Variants in CTNNA3 observed in about 807,000 individuals in gnomAD.
CTNNA3 encodes the protein catenin alpha-3.
A neutral mutation model predicts 95.7 loss-of-function variants in CTNNA3; 76 were observed. That is an observed-to-expected ratio of 0.79 (90% CI 0.66 to 0.96). The LOEUF is 0.96. Ranked by LOEUF, CTNNA3 falls within the 40% of genes least tolerant of loss-of-function variation. The pLI, the probability that CTNNA3 is intolerant of heterozygous loss-of-function variation, is 0.00. For synonymous variants in CTNNA3, 431 were observed against 374.4 expected, an observed-to-expected ratio of 1.15 and a Z score of -1.74; for missense variants, 1,191 against 1,089.8, an observed-to-expected ratio of 1.09 and a Z score of -1.31.
intron 9 of CTNNA3, among the ~76,000 whole-genome samples, chr10:66,748,840 G>T (rs1838998009): frequency 6.6e-6 from 1 of 151,870 alleles, no homozygotes; most frequent in African/African-American, 2.4e-5. Flanking sequence ...GATGAACACT[G>T]ACACTTCATT....
rs545957685 is a variant in CTNNA3, at chr10:66,689,322, G to T, written c.1282-67538C>A. ...AACAAATGGCCTAGGTCCTTTTAAT[G>T]AGTTTGTTGGCCTGGACAGTTGTCC... On this transcript the variant is annotated intron_variant, in intron 9 of 17. Transcript: ENST00000433211. Among the ~76,000 whole-genome samples the T allele has an allele frequency of 2.7e-3, 405 of 152,254 alleles. 5 individuals carry two copies. Among genetic ancestry groups the T allele is most frequent in the African/African-American group, 9.2e-3 (384 of 41,556 alleles).
intron 11 of CTNNA3, among the ~76,000 whole-genome samples, chr10:66,433,089 A>C (rs905731530): frequency 1.3e-5 from 2 of 152,200 alleles, no homozygotes; most frequent in Non-Finnish European, 2.9e-5. Flanking sequence ...TGCTATTGTG[A>C]ATAGTACTGC....
chr10:67,078,811 C>T (rs565762710), intron 7 of CTNNA3, among the ~76,000 whole-genome samples: 4 of 152,144 alleles, frequency 2.6e-5, no homozygotes, highest in South Asian at 2.1e-4. Flanking sequence ...CCACCGCACC[C>T]GGCCCTCTGA....
At chr10:66,874,259 G>A (rs1844526444) in intron 7 of CTNNA3, among the ~76,000 whole-genome samples, 1 of 152,102 alleles carries the variant, frequency 6.6e-6, no homozygotes, top group Admixed American at 6.6e-5. Flanking sequence ...TCAGCAGCTG[G>A]AAACTCTGGC....
intron 7 of CTNNA3, among the ~76,000 whole-genome samples, chr10:67,164,937 CTGGAAAATAGTTTGGCAGTTTCCTA>C (rs1861695807): frequency 6.6e-6 from 1 of 152,140 alleles, no homozygotes; most frequent in Admixed American, 6.5e-5. Context: ...TAAAATTGCT[CTGGAAAATAGTTTGGCAGTTTCCTA>C]AAAACTATGC....
chr10:67,704,658 T>C (rs1486206725), intron 1 of CTNNA3, among the ~76,000 whole-genome samples: 1 of 152,078 alleles, frequency 6.6e-6, no homozygotes, highest in Non-Finnish European at 1.5e-5. Flanking sequence ...ATGTTAGACC[T>C]AAAACCATAA....
intron 10 of CTNNA3, among the ~76,000 whole-genome samples, chr10:66,537,513 T>A (rs1841701650): frequency 6.6e-6 from 1 of 151,766 alleles, no homozygotes; most frequent in Admixed American, 6.6e-5. Flanking sequence ...CTCAACCATT[T>A]CCCTTGTCAC....
chr10:66,681,540 C>T (rs897349518), intron 9 of CTNNA3, among the ~76,000 whole-genome samples: 1 of 152,128 alleles, frequency 6.6e-6, no homozygotes, highest in Non-Finnish European at 1.5e-5. Context: ...AAAACAATAT[C>T]GGAGTCCTGG....
chr10:66,774,334 G>T (rs1470742742), intron 8 of CTNNA3, among the ~76,000 whole-genome samples: 1 of 152,120 alleles, frequency 6.6e-6, no homozygotes, highest in African/African-American at 2.4e-5. Context: ...CCTGGTACAG[G>T]TTCTGACTCG....
intron 9 of CTNNA3, among the ~76,000 whole-genome samples, chr10:66,650,514 G>A (rs569049758): frequency 2.0e-5 from 3 of 152,164 alleles, no homozygotes; most frequent in African/African-American, 4.8e-5. Flanking sequence ...TGATGTGTCC[G>A]GAATTGGTGG....
chr10:67,192,788 C>T (rs1863177950), intron 6 of CTNNA3, among the ~76,000 whole-genome samples: 1 of 152,046 alleles, frequency 6.6e-6, no homozygotes, highest in South Asian at 2.1e-4. Flanking sequence ...GAAAAGACAT[C>T]TGCACTCCCA....
chr10:66,022,628 CACACAT>C (rs1250135007), intron 15 of CTNNA3, among the ~76,000 whole-genome samples: 4 of 150,702 alleles, frequency 2.7e-5, no homozygotes, highest in Admixed American at 2.0e-4. Context: ...CACACACACA[CACACAT>C]ACACACACAC....
rs2092587668 is a variant in CTNNA3 at position 66,354,009 on chromosome 10, G to A, written c.1732+25143C>T. Among the ~76,000 whole-genome samples, 3 of 152,098 alleles carry A rather than the reference G, an allele frequency of 2.0e-5. 1 individual carries two copies. The highest frequency in any genetic ancestry group is 2.1e-4 in the South Asian group (1 of 4,834). On this transcript the variant is annotated intron_variant, in intron 12 of 17. Transcript: ENST00000433211. ...AAAAATTCCGTGAACACGGCCAGAC[G>A]CAGCGGCTCACGCCTGTAATCCCAG...
At chr10:66,772,709 T>C (rs974117850) in intron 8 of CTNNA3, among the ~76,000 whole-genome samples, 6 of 152,174 alleles carry the variant, frequency 3.9e-5, no homozygotes, top group Non-Finnish European at 7.3e-5. Context: ...AATCTATAAT[T>C]TGCTTCTCCT....
At chr10:67,680,381 C>T (rs914441205) in intron 1 of CTNNA3, among the ~76,000 whole-genome samples, 1 of 152,296 alleles carries the variant, frequency 6.6e-6, no homozygotes, top group East Asian at 1.9e-4. Context: ...CTCAGAATAA[C>T]ATGGAGCAAT....
intron 12 of CTNNA3, among the ~76,000 whole-genome samples, chr10:66,306,840 A>G (rs769960294): frequency 1.3e-5 from 2 of 152,190 alleles, no homozygotes; most frequent in Admixed American, 6.5e-5. Context: ...ATGGAACGAC[A>G]CTCACTAGAA....
rs1281063911 is a variant in CTNNA3 at position 66,766,339 on chromosome 10, A to C, written c.1206T>G (p.Ala402=). 6 of 1,613,812 alleles carry C rather than the reference A, an allele frequency of 3.7e-6. No homozygotes were observed. Among genetic ancestry groups the C allele is most frequent in the Non-Finnish European group, 5.1e-6 (6 of 1,179,794 alleles). ...TTVPLLVLIE[A]AKNGREKEIK... is the part of the protein sequence containing the mutation. ...TTTCCTTTTCCCGGCCATTCTTAGC[A>C]GCTTCAATGAGAACCAAAAGAGGGA... Residue 402 remains alanine, a synonymous_variant, in exon 9 of 18, where the codon GCT becomes GCG. Transcript: ENST00000433211.
intron 9 of CTNNA3, among the ~76,000 whole-genome samples, chr10:66,659,579 G>T (rs1589085011): frequency 1.3e-5 from 2 of 152,256 alleles, no homozygotes; most frequent in East Asian, 3.9e-4. Flanking sequence ...ATATTCATAT[G>T]TTTAAATCCT....
At position 66,194,552 on chromosome 10, in the gene CTNNA3, C is replaced by T. The variant is rs552367966; in HGVS notation, c.1884+85918G>A. ...CCGAGATCATGCCACTATACTCCAGCCTGGTGACAGAGAGAGAGACTCCAT... is the reference window on the plus strand; with the variant it reads ...CCGAGATCATGCCACTATACTCCAGTCTGGTGACAGAGAGAGAGACTCCAT... On this transcript the variant is annotated intron_variant, in intron 13 of 17. Transcript: ENST00000433211. Among the ~76,000 whole-genome samples the T allele has an allele frequency of 2.0e-5, 3 of 152,196 alleles. No homozygotes were observed. In the South Asian group the frequency reaches 6.2e-4, roughly 32 times the overall value.
Sources: allele counts gnomAD v4.1 joint callset (sites outside exome capture counted in the v4.1 genomes callset), GRCh38; gene constraint gnomAD v4.1.1; transcripts MANE v1.5; gene names NCBI Gene and HGNC (gene_info 2026-07-23, HGNC 2026-07-21).